The following ANKRD17 variants were observed in gnomAD, a reference collection of about 807,000 sequenced individuals.
ANKRD17 encodes the protein ankyrin repeat domain-containing protein 17.
Under a neutral mutation model 229.7 loss-of-function variants are expected in ANKRD17, and 19 were observed. That is an observed-to-expected ratio of 0.08 (90% CI 0.06 to 0.12). ANKRD17 has a LOEUF of 0.12. Ranked by LOEUF, ANKRD17 falls within the 10% of genes least tolerant of loss-of-function variation. The probability of loss-of-function intolerance (pLI) is 1.00; values close to 1 mark genes in which losing one functional copy is unlikely to be tolerated. For missense variants in ANKRD17, 2,176 were observed against 3,176.8 expected, an observed-to-expected ratio of 0.68 and a Z score of 7.57; for synonymous variants, 1,112 against 1,146.1, an observed-to-expected ratio of 0.97 and a Z score of 0.60.
At chr4:73,179,518 A>ATATATTT (rs1192164276) in intron 1 of ANKRD17, among the ~76,000 whole-genome samples, 4 of 40,780 alleles carry the variant, frequency 9.8e-5, no homozygotes, top group African/African-American at 9.2e-5. Flanking sequence ...ATATATATAT[A>ATATATTT]TTTTTTTTTT....
At chr4:73,144,701 G>A (rs372702617) in intron 11 of ANKRD17, 44 bp downstream of exon 11, 101 of 1,359,668 alleles carry the variant, frequency 7.4e-5, no homozygotes, top group Non-Finnish European at 9.7e-5. Flanking sequence ...GAAGGCAGGG[G>A]TAGATACCTT....
At chr4:73,078,281 G>A (rs376924810) in intron 31 of ANKRD17, among the ~76,000 whole-genome samples, 48 of 152,336 alleles carry the variant, frequency 3.2e-4, no homozygotes, top group African/African-American at 1.2e-3. Context: ...GGAGGATGAG[G>A]CAGGAGAATG....
intron 29 of ANKRD17, among the ~76,000 whole-genome samples, chr4:73,085,789 G>C (rs916634753): frequency 6.0e-5 from 9 of 149,462 alleles, no homozygotes; most frequent in African/African-American, 2.2e-4. Context: ...CTTGAACCCA[G>C]AGTTCAAGGC....
At chr4:73,121,891 A>G in intron 18 of ANKRD17, 132 bp from the exon 19 acceptor site, 1 of 862,124 alleles carries the variant, frequency 1.2e-6, no homozygotes, top group South Asian at 2.7e-5. Context: ...TGCTCTGCAT[A>G]AAATCAGCCT....
At chr4:73,101,734 A>C (rs552234806) in intron 25 of ANKRD17, among the ~76,000 whole-genome samples, 2 of 150,744 alleles carry the variant, frequency 1.3e-5, no homozygotes, top group South Asian at 4.2e-4. Flanking sequence ...TTACTTTTAG[A>C]TGGCTCAGAA....
At chr4:73,241,257 C>A (rs1744006414) in intron 1 of ANKRD17, among the ~76,000 whole-genome samples, 1 of 151,998 alleles carries the variant, frequency 6.6e-6, no homozygotes, top group South Asian at 2.1e-4. Flanking sequence ...TTTGGAAATA[C>A]AAGATTAAGT....
intron 1 of ANKRD17, among the ~76,000 whole-genome samples, chr4:73,253,166 T>C (rs1745178728): frequency 6.6e-6 from 1 of 152,336 alleles, no homozygotes; most frequent in African/African-American, 2.4e-5. Context: ...CCAGTATGTT[T>C]ACCTGTAAAA....
chr4:73,196,754 T>C (rs769086118), intron 1 of ANKRD17, among the ~76,000 whole-genome samples: 14 of 152,200 alleles, frequency 9.2e-5, no homozygotes, highest in Non-Finnish European at 1.2e-4. Context: ...AAGTAACTCA[T>C]AAGTAAATAG....
At chr4:73,114,807 T>A (rs748763625) in intron 23 of ANKRD17, among the ~76,000 whole-genome samples, 5 of 152,200 alleles carry the variant, frequency 3.3e-5, no homozygotes, top group Non-Finnish European at 7.3e-5. Flanking sequence ...TTCACTATCA[T>A]GTAATAGCAA....
At chr4:73,182,641 C>T (rs1735732575) in intron 1 of ANKRD17, among the ~76,000 whole-genome samples, 1 of 152,146 alleles carries the variant, frequency 6.6e-6, no homozygotes, top group South Asian at 2.1e-4. Context: ...ATTTATGCAA[C>T]ATAAAATACA....
intron 24 of ANKRD17, among the ~76,000 whole-genome samples, chr4:73,110,479 T>C (rs1246403789): frequency 3.3e-5 from 5 of 152,146 alleles, no homozygotes; most frequent in Admixed American, 1.3e-4. Flanking sequence ...TCTGCAGCAG[T>C]TTTTATAAAC....
chr4:73,144,340 T>C (rs1729969606), intron 11 of ANKRD17, among the ~76,000 whole-genome samples: 1 of 152,188 alleles, frequency 6.6e-6, no homozygotes. Context: ...CCCTGTATTT[T>C]ATAAAAAAGG....
intron 16 of ANKRD17, among the ~76,000 whole-genome samples, chr4:73,126,295 G>C (rs904795339): frequency 1.3e-5 from 2 of 152,094 alleles, no homozygotes; most frequent in African/African-American, 2.4e-5. Context: ...CCACCAGAGA[G>C]AGTCAGGCTG....
intron 16 of ANKRD17, among the ~76,000 whole-genome samples, chr4:73,132,653 G>T (rs1451856584): frequency 1.3e-5 from 2 of 152,024 alleles, no homozygotes; most frequent in African/African-American, 4.8e-5. Context: ...TTCTATAAAA[G>T]CATGTCTACT....
intron 19 of ANKRD17, 80 bp from the exon 20 acceptor site, chr4:73,121,174 C>T: frequency 1.7e-6 from 2 of 1,192,524 alleles, no homozygotes; most frequent in Non-Finnish European, 2.5e-6. Flanking sequence ...ATATATAATT[C>T]TAATCTAAGA....
intron 3 of ANKRD17, among the ~76,000 whole-genome samples, chr4:73,159,042 T>C (rs1442215860): frequency 1.3e-5 from 2 of 152,248 alleles, no homozygotes; most frequent in African/African-American, 4.8e-5. Flanking sequence ...CACTTCCCTT[T>C]CAATTTTTCC....
intron 18 of ANKRD17, among the ~76,000 whole-genome samples, chr4:73,122,225 C>A (rs530814488): frequency 6.6e-6 from 1 of 152,154 alleles, no homozygotes; most frequent in African/African-American, 2.4e-5. Flanking sequence ...CATTAAAAAA[C>A]CTTATATACA....
chr4:73,253,573 C>T (rs1022722753), intron 1 of ANKRD17, among the ~76,000 whole-genome samples: 1 of 152,138 alleles, frequency 6.6e-6, no homozygotes, highest in African/African-American at 2.4e-5. Flanking sequence ...AAAACTCGGC[C>T]AAGGTCACAA....
At chr4:73,214,848 A>T (rs1412422686) in intron 1 of ANKRD17, among the ~76,000 whole-genome samples, 2 of 127,582 alleles carry the variant, frequency 1.6e-5, no homozygotes, top group African/African-American at 6.1e-5. Flanking sequence ...CGTCTCTATT[A>T]AAAAAAAAAA....
Sources: gnomAD v4.1 joint callset for allele counts (sites outside exome capture counted in the v4.1 genomes callset) on GRCh38, gnomAD v4.1.1 for gene constraint, MANE v1.5 for transcripts, NCBI Gene and HGNC (gene_info 2026-07-23, HGNC 2026-07-21) for gene names.